The following LLGL2 variants were observed in gnomAD, a reference collection of about 807,000 sequenced individuals.
LLGL2 encodes the protein LLGL2, scribble cell polarity complex component.
In LLGL2, 81 loss-of-function variants were observed where a neutral mutation model predicts 123.2. The ratio of observed to expected loss-of-function variants is 0.66; its 90% CI spans 0.55 to 0.79. The LOEUF is 0.79. LLGL2 is among the 30% of genes least tolerant of loss of function. The probability of loss-of-function intolerance (pLI) is 0.00; values close to 1 mark genes in which losing one functional copy is unlikely to be tolerated. For missense variants in LLGL2, 1,273 were observed against 1,414.6 expected, an observed-to-expected ratio of 0.90 and a Z score of 1.61; for synonymous variants, 577 against 594.1, an observed-to-expected ratio of 0.97 and a Z score of 0.42.
chr17:75,562,603 C>G (rs1345240341), intron 6 of LLGL2: 1 of 202,756 alleles, frequency 4.9e-6, no homozygotes, highest in Non-Finnish European at 1.0e-5. Context: ...GAGTCTCACT[C>G]TGTCACCCAG....
chr17:75,554,266 C>A (rs542779184), intron 2 of LLGL2, among the ~76,000 whole-genome samples: 1 of 145,718 alleles, frequency 6.9e-6, no homozygotes, highest in East Asian at 2.0e-4. Context: ...CGCACCATTG[C>A]ACTCCAGGCT....
Position 75,570,095 on chromosome 17 carries a change from C to A in LLGL2, c.1714C>A (p.Arg572Ser), listed in dbSNP as rs750514591. 1.2e-6 allele frequency: 2 copies of A among 1,609,426 alleles called. No homozygotes were observed. Among genetic ancestry groups the A allele is most frequent in the Non-Finnish European group, 1.7e-6 (2 of 1,178,368 alleles). Residue 572 changes from arginine (R) to serine (S), a missense_variant, in exon 15 of 26, where the codon CGC becomes AGC. Transcript: ENST00000392550. ...ERLAARSGPVRFEPGFQPFVL... is the reference protein window; with the variant it reads ...ERLAARSGPVSFEPGFQPFVL... ...CCTGGCAGCCCGCTCAGGGCCCGTGCGCTTTGAGCCTGGCTTTCAGCCCTT... is the reference window on the plus strand; with the variant it reads ...CCTGGCAGCCCGCTCAGGGCCCGTGAGCTTTGAGCCTGGCTTTCAGCCCTT...
intron 10 of LLGL2, chr17:75,567,935 C>A: frequency 2.0e-6 from 1 of 490,798 alleles, no homozygotes; most frequent in Non-Finnish European, 2.6e-6. Context: ...AGTGTGAAAC[C>A]CTGTCTCGAG....
chr17:75,525,651 A>C (rs2053531287), upstream of LLGL2: 1 of 150,074 alleles, frequency 6.7e-6, no homozygotes, highest in South Asian at 2.1e-4. This position sits in a 1 kb window ranked among gnomAD's most constrained non-coding sequence, Gnocchi z 4.8. Context: ...GGGCCCCGGC[A>C]GGCTCGCCCT....
chr17:75,563,786 C>G lies in LLGL2; in HGVS notation c.861C>G (p.Leu287=). The G allele has an allele frequency of 6.2e-7, 1 of 1,614,042 alleles. No individual in the cohort carries two copies. Residue 287 remains leucine, a synonymous_variant, in exon 9 of 26, where the codon CTC becomes CTG. Coordinates refer to ENST00000392550, the MANE Select transcript of LLGL2 (RefSeq NM_001031803.2). ...CTTGCAAAGCGATTACCAGAATCCT[C>G]TGGCTGACCACTAGGCAGGGGTAGG... is the stretch of plus-strand genomic sequence containing the variant. ...PFPCKAITRI[L]WLTTRQGLPF...
intron 1 of LLGL2, among the ~76,000 whole-genome samples, chr17:75,532,055 T>TATACACAC (rs1555648011): frequency 5.3e-5 from 5 of 93,736 alleles, no homozygotes; most frequent in Admixed American, 2.5e-4. Context: ...TATGTATATA[T>TATACACAC]ACACACACAC....
Position 75,573,564 on chromosome 17 carries a change from TC to T in LLGL2, c.2810del (p.Ser937Ter). ...GGTGGAGCCCCGGTGTCTGGTGGAT[TC>T]AGCAGAAACCAAGAACCACCGCCCT... Reference protein sequence around the residue: ...WLVEPRCLVDSAETKNHRPGN... With the variant: ...WLVEPRCLVDXAETKNHRPGN... On this transcript the variant is annotated frameshift_variant, in exon 21 of 26. Coordinates refer to ENST00000392550, the MANE Select transcript of LLGL2 (RefSeq NM_001031803.2). LOFTEE classifies it high-confidence loss of function. 1.9e-6 allele frequency: 3 copies of T among 1,612,794 alleles called. No individual in the cohort carries two copies.
intron 1 of LLGL2, among the ~76,000 whole-genome samples, chr17:75,526,071 G>A (rs1487361111): frequency 6.6e-6 from 1 of 152,170 alleles, no homozygotes; most frequent in Non-Finnish European, 1.5e-5. Context: ...GCTTGGGTTT[G>A]CACAATAATG....
chr17:75,536,901 C>T (rs1340785413), intron 1 of LLGL2, among the ~76,000 whole-genome samples: 1 of 152,138 alleles, frequency 6.6e-6, no homozygotes, highest in Non-Finnish European at 1.5e-5. Context: ...TATCTGGGCT[C>T]ACTGCAACTT....
At chr17:75,561,750 G>A (rs929434562) in intron 6 of LLGL2, among the ~76,000 whole-genome samples, 15 of 152,008 alleles carry the variant, frequency 9.9e-5, no homozygotes, top group African/African-American at 2.7e-4. Flanking sequence ...GCGAAACCCC[G>A]TCTCTACTAA....
chr17:75,526,334 G>T (rs1296240844), intron 1 of LLGL2, among the ~76,000 whole-genome samples: 1 of 152,226 alleles, frequency 6.6e-6, no homozygotes, highest in Non-Finnish European at 1.5e-5. Flanking sequence ...CAGGAAGCCC[G>T]CGGGAGGGAC....
At chr17:75,556,007 A>G in intron 2 of LLGL2, 39 bp from the exon 3 acceptor site, 1 of 1,517,358 alleles carries the variant, frequency 6.6e-7, no homozygotes, top group South Asian at 1.1e-5. Context: ...CGCGAAGGGG[A>G]CAGGTCTGCA....
Position 75,571,016 on chromosome 17 carries a change from C to A in LLGL2, c.2092C>A (p.Arg698Ser). 1 of 1,613,086 alleles carries A rather than the reference C, an allele frequency of 6.2e-7. No homozygotes were observed. Among genetic ancestry groups the A allele is most frequent in the African/African-American group, 1.3e-5 (1 of 75,070 alleles). Residue 698 changes from arginine to serine, a missense_variant, in exon 17 of 26, where the codon CGC (arginine) becomes AGC (serine). Transcript: ENST00000392550. ...LQNMELAPVQ[R>S]KIEARSAEDS... ...GAACATGGAGCTGGCGCCTGTGCAGCGCAAGATCGAGGCTCGCTCGGCAGA... is the reference window on the plus strand; with the variant it reads ...GAACATGGAGCTGGCGCCTGTGCAGAGCAAGATCGAGGCTCGCTCGGCAGA...
In LLGL2 at chr17:75,559,577, A is replaced by G. The variant is rs1411474781; in HGVS notation, c.530+167A>G. On this transcript the variant is annotated intron_variant, in intron 6 of 25. Coordinates refer to ENST00000392550, the MANE Select transcript of LLGL2 (RefSeq NM_001031803.2). This position sits in a 1 kb window ranked among gnomAD's most constrained non-coding sequence, Gnocchi z 4.6. ...CCTACCTGTCACCTACTGAGAACCT[A>G]TTGGCCTGTCATAGGTTAGCATCAT... is the stretch of plus-strand genomic sequence containing the variant. 6.6e-6 allele frequency among the ~76,000 whole-genome samples: 1 copy of G among 152,166 alleles called. No individual in the cohort carries two copies. The highest frequency in any genetic ancestry group is 1.5e-5 in the Non-Finnish European group (1 of 68,028).
At position 75,543,501 on chromosome 17, in the gene LLGL2, G is replaced by C. The variant is rs763623087; in HGVS notation, c.75G>C (p.Lys25Asn). ...AGCGGGACCTGTTCCAGTTTAACAA[G>C]GTAAGTTAGGGAGAGCAGGGAAGAT... ...RLKRDLFQFN[K>N]TVEHGFPHQP... The change falls in exon 2 of 26, where the codon AAG becomes AAC. Residue 25 changes from lysine to asparagine, a missense_variant and splice_region_variant. Transcript: ENST00000392550. 6 of 1,609,958 alleles carry C rather than the reference G, an allele frequency of 3.7e-6. No homozygotes were observed. The highest frequency in any genetic ancestry group is 1.7e-5 in the Admixed American group (1 of 59,602).
intron 2 of LLGL2, among the ~76,000 whole-genome samples, chr17:75,553,366 G>T (rs556560094): frequency 2.0e-5 from 3 of 152,184 alleles, no homozygotes; most frequent in South Asian, 2.1e-4. Context: ...CCCCAAAATA[G>T]GCACTTGTTG....
In LLGL2 at chr17:75,564,034, G is replaced by T. The variant is rs935614941; in HGVS notation, c.881+228G>T. ...CTTTCTTCCACCTTCCCAGAGAGAC[G>T]GTACTGAGCAGCAGGTCTTAAACTC... On this transcript the variant is annotated intron_variant, in intron 9 of 25. Coordinates refer to ENST00000392550, the MANE Select transcript of LLGL2 (RefSeq NM_001031803.2). The surrounding 1 kb of genome is among the most constrained non-coding windows in gnomAD (Gnocchi z 4.9). 1.3e-5 allele frequency among the ~76,000 whole-genome samples: 2 copies of T among 152,176 alleles called. No individual in the cohort carries two copies. Among genetic ancestry groups the T allele is most frequent in the Admixed American group, 1.3e-4 (2 of 15,276 alleles).
chr17:75,530,355 A>G (rs547842281), intron 1 of LLGL2, among the ~76,000 whole-genome samples: 1 of 152,158 alleles, frequency 6.6e-6, no homozygotes, highest in Non-Finnish European at 1.5e-5. Flanking sequence ...TTTTTAAAAA[A>G]TTAGCTGGGC....
chr17:75,556,241 A>G, intron 3 of LLGL2, 98 bp downstream of exon 3: 2 of 941,164 alleles, frequency 2.1e-6, no homozygotes, highest in Middle Eastern at 2.2e-4. Flanking sequence ...GGCTGTTGGG[A>G]TAAAATGAGG....
Sources: allele counts gnomAD v4.1 joint callset (sites outside exome capture counted in the v4.1 genomes callset), GRCh38; gene constraint gnomAD v4.1.1; non-coding constraint Gnocchi (gnomAD v3.1); transcripts MANE v1.5; gene names NCBI Gene and HGNC (gene_info 2026-07-23, HGNC 2026-07-21).